EXT1: variants seen among roughly 807,000 people sequenced by gnomAD.
EXT1 encodes the protein exostosin glycosyltransferase 1, also known as exostosin-1.
EXT1 carries 20 observed loss-of-function variants against 82.5 expected under a neutral mutation model. The observed-to-expected ratio is 0.24, with a 90% confidence interval of 0.17 to 0.35. The LOEUF is 0.35. Ranked by LOEUF, EXT1 falls within the 10% of genes least tolerant of loss-of-function variation. The pLI, the probability that EXT1 is intolerant of heterozygous loss-of-function variation, is 1.00. For synonymous variants in EXT1, 348 were observed against 350.8 expected (o/e 0.99, Z 0.09); for missense variants, 757 against 936.5 (o/e 0.81, Z 2.50).
intron 1 of EXT1, among the ~76,000 whole-genome samples, chr8:117,941,903 T>A (rs1814288597): frequency 6.6e-6 from 1 of 152,192 alleles, no homozygotes; most frequent in Non-Finnish European, 1.5e-5. Context: ...ACACTGTGAA[T>A]GCCATGACTG....
intron 1 of EXT1, among the ~76,000 whole-genome samples, chr8:117,867,728 A>T (rs1296236303): frequency 6.6e-6 from 1 of 152,150 alleles, no homozygotes; most frequent in African/African-American, 2.4e-5. Context: ...TTATTCCTTA[A>T]AAAGCTCTTT....
intron 1 of EXT1, among the ~76,000 whole-genome samples, chr8:118,066,036 C>T (rs1816980081): frequency 6.6e-6 from 1 of 152,210 alleles, no homozygotes; most frequent in East Asian, 1.9e-4. Flanking sequence ...TAAAAGTTCT[C>T]ATTCAGCTAT....
intron 1 of EXT1, among the ~76,000 whole-genome samples, chr8:117,966,204 C>A (rs1179165239): frequency 6.6e-6 from 1 of 152,188 alleles, no homozygotes; most frequent in Non-Finnish European, 1.5e-5. Flanking sequence ...CTTGTCATGG[C>A]AGTTCCCCAA....
intron 1 of EXT1, among the ~76,000 whole-genome samples, chr8:118,046,534 C>T (rs1397692697): frequency 2.6e-5 from 4 of 152,194 alleles, no homozygotes; most frequent in African/African-American, 9.6e-5. Context: ...GGGGCAGGAA[C>T]TCAAACCAAG....
intron 1 of EXT1, among the ~76,000 whole-genome samples, chr8:118,029,543 C>G (rs949828119): frequency 6.6e-6 from 1 of 152,114 alleles, no homozygotes; most frequent in Non-Finnish European, 1.5e-5. Context: ...ATTATAGCCC[C>G]CTTTGAGCTA....
At chr8:117,845,468 G>A (rs373168463) in intron 1 of EXT1, among the ~76,000 whole-genome samples, 2 of 152,008 alleles carry the variant, frequency 1.3e-5, no homozygotes, top group Non-Finnish European at 2.9e-5. Flanking sequence ...TGTACCAGGT[G>A]TAGCTCATAC....
intron 1 of EXT1, among the ~76,000 whole-genome samples, chr8:118,062,480 A>T (rs1298353159): frequency 6.6e-6 from 1 of 152,176 alleles, no homozygotes; most frequent in Non-Finnish European, 1.5e-5. Context: ...CCAAGACTCC[A>T]CAAAGTGAGA....
intron 1 of EXT1, among the ~76,000 whole-genome samples, chr8:117,890,150 ATACAG>A (rs1457737314): frequency 6.6e-6 from 1 of 152,232 alleles, no homozygotes; most frequent in African/African-American, 2.4e-5. Context: ...GCTGACTTAC[ATACAG>A]TAGAGATTCA....
chr8:118,073,641 AG>A (rs1192483567), intron 1 of EXT1, among the ~76,000 whole-genome samples: 5 of 58,600 alleles, frequency 8.5e-5, no homozygotes, highest in East Asian at 7.8e-4. Context: ...AAAGAAGAGA[AG>A]AGAAGAGAAG....
rs146531599 is a variant in EXT1, at chr8:117,808,970, C to T, written c.1723-1593G>A. Among the ~76,000 whole-genome samples, 141 of 151,980 alleles carry T rather than the reference C, an allele frequency of 9.3e-4. 1 individual carries two copies. Among genetic ancestry groups the T allele is most frequent in the African/African-American group, 3.1e-3 (130 of 41,448 alleles). ...TTGCCTGCCGGCTGAGCTGGGACAT[C>T]GAACTTCTATTGCCCTTGGACTGGG... is the stretch of plus-strand genomic sequence containing the variant. On this transcript the variant is annotated intron_variant, in intron 8 of 10. Coordinates refer to ENST00000378204, the MANE Select transcript of EXT1 (RefSeq NM_000127.3).
chr8:117,959,690 G>T (rs563506090), intron 1 of EXT1, among the ~76,000 whole-genome samples: 19 of 152,326 alleles, frequency 1.2e-4, no homozygotes, highest in Admixed American at 4.6e-4. Context: ...CATATTAAAT[G>T]CATTGTAATA....
At chr8:117,966,642 C>A (rs901485274) in intron 1 of EXT1, among the ~76,000 whole-genome samples, 1 of 152,124 alleles carries the variant, frequency 6.6e-6, no homozygotes, top group African/African-American at 2.4e-5. Context: ...TTATTCTGTT[C>A]TGCATTTCAT....
intron 1 of EXT1, among the ~76,000 whole-genome samples, chr8:117,911,133 G>A (rs906408076): frequency 7.2e-5 from 11 of 152,248 alleles, no homozygotes; most frequent in Admixed American, 5.9e-4. Context: ...TCAGGTGCCA[G>A]TGGGTGTTTA....
At chr8:118,001,805 G>A (rs187280851) in intron 1 of EXT1, among the ~76,000 whole-genome samples, 2 of 152,156 alleles carry the variant, frequency 1.3e-5, no homozygotes, top group African/African-American at 4.8e-5. Flanking sequence ...TTACAACTAC[G>A]TAAGAAAGCT....
chr8:117,929,832 G>C (rs1814017738), intron 1 of EXT1, among the ~76,000 whole-genome samples: 1 of 152,198 alleles, frequency 6.6e-6, no homozygotes, highest in Admixed American at 6.5e-5. Flanking sequence ...GAGCAGCCAG[G>C]CGTGGTGCCT....
At chr8:117,857,769 T>C (rs868114657) in intron 1 of EXT1, among the ~76,000 whole-genome samples, 1 of 152,226 alleles carries the variant, frequency 6.6e-6, no homozygotes. Context: ...TATAAGGCTA[T>C]AGCTGACAGA....
chr8:117,883,986 T>C (rs1586263065), intron 1 of EXT1, among the ~76,000 whole-genome samples: 1 of 152,214 alleles, frequency 6.6e-6, no homozygotes, highest in East Asian at 1.9e-4. Flanking sequence ...CTTATGAGTG[T>C]CACTTGGGGA....
At chr8:117,860,450 C>T (rs1812662066) in intron 1 of EXT1, among the ~76,000 whole-genome samples, 2 of 152,180 alleles carry the variant, frequency 1.3e-5, no homozygotes, top group Admixed American at 1.3e-4. Flanking sequence ...CCAGCCTTCG[C>T]CACTATGCAG....
At chr8:117,951,512 G>A (rs997449435) in intron 1 of EXT1, among the ~76,000 whole-genome samples, 14 of 152,182 alleles carry the variant, frequency 9.2e-5, no homozygotes, top group African/African-American at 3.4e-4. Context: ...GGGAACACAA[G>A]GGAAGAATGA....
Sources: allele counts gnomAD v4.1 joint callset (sites outside exome capture counted in the v4.1 genomes callset), GRCh38; gene constraint gnomAD v4.1.1; transcripts MANE v1.5; gene names NCBI Gene and HGNC (gene_info 2026-07-23, HGNC 2026-07-21).